The following STK3 variants were observed in gnomAD, a reference collection of about 807,000 sequenced individuals.
The protein encoded by STK3 is serine/threonine-protein kinase 3.
Under a neutral mutation model 58.0 loss-of-function variants are expected in STK3, and 41 were observed. The observed-to-expected ratio is 0.71, with a 90% CI of 0.55 to 0.92. The LOEUF (loss-of-function observed/expected upper bound fraction) is 0.92. STK3 is among the 40% of genes least tolerant of loss of function. The probability of loss-of-function intolerance (pLI) is 0.00; values close to 1 mark genes in which losing one functional copy is unlikely to be tolerated. For missense variants in STK3, 479 were observed against 602.7 expected (o/e 0.79, Z 2.15); for synonymous variants, 170 against 191.0 (o/e 0.89, Z 0.91).
rs569499144 is a variant in STK3 at position 98,825,640 on chromosome 8, G to A, written c.-100C>T. ...GGCCGAGCCTAGGGCACCACAGAGG[G>A]AAACTCTGGGAACTCGGACCAACTT... is the stretch of plus-strand genomic sequence containing the variant. On this transcript the variant is annotated 5_prime_UTR_variant, in exon 1 of 11. Coordinates refer to ENST00000419617, the MANE Select transcript of STK3 (RefSeq NM_006281.4). The A allele has an allele frequency of 4.1e-4, 504 of 1,241,952 alleles. 1 individual carries two copies. Among genetic ancestry groups the A allele is most frequent in the East Asian group, 9.4e-4 (26 of 27,692 alleles). 76.9% of individuals were successfully genotyped at this position (1,241,952 alleles called of 1,614,324 possible).
At chr8:98,593,044 G>C (rs538242881) in intron 7 of STK3, among the ~76,000 whole-genome samples, 42 of 152,208 alleles carry the variant, frequency 2.8e-4, no homozygotes, top group Non-Finnish European at 3.1e-4. Context: ...GATTACAGGC[G>C]TGAGCCACGG....
At chr8:98,666,937 T>C (rs1202670026) in intron 6 of STK3, among the ~76,000 whole-genome samples, 1 of 152,146 alleles carries the variant, frequency 6.6e-6, no homozygotes, top group East Asian at 1.9e-4. Flanking sequence ...CCTTAATTCG[T>C]ATATCTTGAC....
At position 98,455,948 on chromosome 8, in the gene STK3, G is replaced by T; in HGVS notation, c.1370C>A (p.Pro457His). ...TTCTTCTATCTCCCGTTCCATCATG[G>T]GGTCCAGTGCTTTTAACCGCATCTG... is the stretch of plus-strand genomic sequence containing the variant. ...ELQMRLKALD[P>H]MMEREIEELR... Residue 457 changes from proline (P) to histidine (H), a missense_variant, in exon 11 of 11, where the codon CCC (proline) becomes CAC (histidine). Pro to His is a moderately conservative substitution (Grantham distance 77, BLOSUM62 -2). Coordinates refer to ENST00000419617, the MANE Select transcript of STK3 (RefSeq NM_006281.4). 6.2e-7 allele frequency: 1 copy of T among 1,612,980 alleles called. No individual in the cohort carries two copies. The highest frequency in any genetic ancestry group is 1.6e-4 in the Middle Eastern group (1 of 6,062).
At position 98,408,994 on chromosome 8, in the gene STK3, T is replaced by G. The variant is rs978616753; in HGVS notation, n.484-7481A>C. On this transcript the variant is annotated intron_variant and non_coding_transcript_variant, in intron 3 of 3. Coordinates refer to the STK3 transcript ENST00000517832. ...TGCTGTCTTCTACTGTATCTGTGAT[T>G]CTGCTCGCCTTGTTGAAACCCCATG... is the stretch of plus-strand genomic sequence containing the variant. 7.2e-5 allele frequency among the ~76,000 whole-genome samples: 11 copies of G among 152,272 alleles called. No individual in the cohort carries two copies. In the East Asian group the frequency reaches 1.9e-3, roughly 27 times the overall value.
chr8:98,402,966 T>A (rs1817959251), intron 3 of STK3, among the ~76,000 whole-genome samples: 1 of 152,212 alleles, frequency 6.6e-6, no homozygotes, highest in Non-Finnish European at 1.5e-5. Context: ...GAGCAGCCTC[T>A]GGGGAGGGCC....
intron 1 of STK3, among the ~76,000 whole-genome samples, chr8:98,801,371 C>T (rs1833533663): frequency 6.6e-6 from 1 of 152,114 alleles, no homozygotes; most frequent in African/African-American, 2.4e-5. Context: ...CAGTGGTAAC[C>T]CGCTCGGTCC....
intron 6 of STK3, among the ~76,000 whole-genome samples, chr8:98,656,383 C>T (rs979179519): frequency 3.6e-4 from 54 of 151,950 alleles, no homozygotes; most frequent in African/African-American, 1.2e-3. Flanking sequence ...ATACCTAATG[C>T]TAAATGACGA....
intron 1 of STK3, among the ~76,000 whole-genome samples, chr8:98,900,589 T>G (rs1838618853): frequency 1.3e-5 from 2 of 152,118 alleles, no homozygotes; most frequent in South Asian, 4.1e-4. Context: ...TTACACATAG[T>G]TTTTTGTATA....
chr8:98,440,728 T>G (rs1005658623), intron 1 of STK3, among the ~76,000 whole-genome samples: 3 of 152,344 alleles, frequency 2.0e-5, no homozygotes, highest in Admixed American at 1.3e-4. Context: ...AGGAGGAGGA[T>G]GATGATGTTA....
At chr8:98,449,930 G>A (rs565833228), downstream of STK3, among the ~76,000 whole-genome samples, 7 of 152,252 alleles carry the variant, frequency 4.6e-5, no homozygotes, top group South Asian at 1.5e-3. Flanking sequence ...CTGTGACACA[G>A]TATGAGGCTC....
chr8:98,434,400 T>G (rs1818412104), intron 2 of STK3: 1 of 152,092 alleles, frequency 6.6e-6, no homozygotes, highest in South Asian at 2.1e-4. Flanking sequence ...AACAAACACC[T>G]CCCCTTGAGG....
chr8:98,363,065 C>T, the STK3 span, among the ~76,000 whole-genome samples: 2 of 152,236 alleles, frequency 1.3e-5, no homozygotes, highest in Non-Finnish European at 2.9e-5. Flanking sequence ...GTATACTCCA[C>T]CCTCTTCACA....
At chr8:98,834,541 A>C (rs1835678186) in intron 3 of STK3, among the ~76,000 whole-genome samples, 1 of 152,240 alleles carries the variant, frequency 6.6e-6, no homozygotes, top group Admixed American at 6.5e-5. Context: ...ATTTCCAAGC[A>C]AAGAAAACAT....
intron 8 of STK3, among the ~76,000 whole-genome samples, chr8:98,560,588 C>T (rs756928139): frequency 6.6e-6 from 1 of 152,112 alleles, no homozygotes; most frequent in Non-Finnish European, 1.5e-5. Flanking sequence ...AGACTCAATA[C>T]TGTTAAAATG....
chr8:98,388,407 C>T (rs1421754707), upstream of STK3, among the ~76,000 whole-genome samples: 1 of 152,122 alleles, frequency 6.6e-6, no homozygotes, highest in Non-Finnish European at 1.5e-5. Context: ...AATACTTGAA[C>T]CCAATGATCA....
chr8:98,832,244 G>GAAAA (rs756031604), intron 3 of STK3, among the ~76,000 whole-genome samples: 8 of 125,834 alleles, frequency 6.4e-5, no homozygotes, highest in African/African-American at 2.2e-4. Context: ...TCCTTTTCGT[G>GAAAA]AAAAAAAAAA....
chr8:98,351,468 A>C, the STK3 span, among the ~76,000 whole-genome samples: 1 of 152,198 alleles, frequency 6.6e-6, no homozygotes, highest in Non-Finnish European at 1.5e-5. Flanking sequence ...TATGGGATAA[A>C]ACAAATGAGT....
At chr8:98,933,859 T>C (rs1300122253) in intron 1 of STK3, among the ~76,000 whole-genome samples, 1 of 152,168 alleles carries the variant, frequency 6.6e-6, no homozygotes, top group Non-Finnish European at 1.5e-5. Context: ...ATAGAGCCTG[T>C]AAGTATTAAC....
chr8:98,485,802 G>A (rs573748174), intron 10 of STK3, among the ~76,000 whole-genome samples: 615 of 152,302 alleles, frequency 4.0e-3, no homozygotes, highest in Non-Finnish European at 6.7e-3. Flanking sequence ...GAAGTAGATG[G>A]GGGCAGATTT....
Sources: allele counts gnomAD v4.1 joint callset (sites outside exome capture counted in the v4.1 genomes callset), GRCh38; gene constraint gnomAD v4.1.1; transcripts MANE v1.5; gene names NCBI Gene and HGNC (gene_info 2026-07-23, HGNC 2026-07-21).